NRG1: variants seen among roughly 807,000 people sequenced by gnomAD.
NRG1 encodes neuregulin 1.
Under a neutral mutation model 63.8 loss-of-function variants are expected in NRG1, and 18 were observed. The ratio of observed to expected loss-of-function variants is 0.28; its 90% confidence interval spans 0.19 to 0.42. The LOEUF is 0.42. NRG1 is among the 10% of genes least tolerant of loss of function. The probability of loss-of-function intolerance (pLI) is 1.00; values close to 1 mark genes in which losing one functional copy is unlikely to be tolerated. For missense variants in NRG1, 762 were observed against 814.7 expected, an observed-to-expected ratio of 0.94 and a Z score of 0.79; for synonymous variants, 302 against 301.3, an observed-to-expected ratio of 1.00 and a Z score of -0.02.
At chr8:32,330,596 A>G (rs1289613295) in intron 1 of NRG1, among the ~76,000 whole-genome samples, 1 of 152,218 alleles carries the variant, frequency 6.6e-6, no homozygotes, top group East Asian at 1.9e-4. Flanking sequence ...GTCAGCCCCT[A>G]GGCATTCATA....
At chr8:31,734,190 G>A (rs1300427964) in intron 1 of NRG1, among the ~76,000 whole-genome samples, 1 of 152,144 alleles carries the variant, frequency 6.6e-6, no homozygotes, top group Non-Finnish European at 1.5e-5. Flanking sequence ...GCCAGGCATG[G>A]TGGCGCGTAC....
At chr8:32,330,242 G>A (rs1563322317) in intron 1 of NRG1, among the ~76,000 whole-genome samples, 1 of 151,956 alleles carries the variant, frequency 6.6e-6, no homozygotes, top group Non-Finnish European at 1.5e-5. Flanking sequence ...TAGATGGATG[G>A]AGCACTTGAT....
At chr8:32,318,257 G>A (rs955415681) in intron 1 of NRG1, among the ~76,000 whole-genome samples, 2 of 152,140 alleles carry the variant, frequency 1.3e-5, no homozygotes, top group African/African-American at 4.8e-5. Flanking sequence ...GAAGACTTTT[G>A]ACAAGTTATG....
intron 1 of NRG1, among the ~76,000 whole-genome samples, chr8:32,174,992 C>T (rs969044055): frequency 4.6e-5 from 7 of 152,056 alleles, no homozygotes; most frequent in African/African-American, 9.7e-5. Context: ...GAGGCCAGCA[C>T]CATCCTGATA....
At chr8:31,800,563 G>A (rs1821665600) in intron 1 of NRG1, among the ~76,000 whole-genome samples, 1 of 152,266 alleles carries the variant, frequency 6.6e-6, no homozygotes, top group South Asian at 2.1e-4. Context: ...CTCTTGGAAT[G>A]CATATCTCTT....
In NRG1 at chr8:32,130,852, G is replaced by A. The variant is rs150109819; in HGVS notation, c.38-464976G>A. ...TAGCTTTAGGAGTGCAGAAGACTTT[G>A]AGGGAAAGAAGGCAGGGTTGAAAAA... On this transcript the variant is annotated intron_variant, in intron 1 of 10. Coordinates refer to the NRG1 transcript ENST00000519301. 9.2e-5 allele frequency among the ~76,000 whole-genome samples: 14 copies of A among 152,072 alleles called. No individual in the cohort carries two copies. In the East Asian group the frequency reaches 2.7e-3, roughly 29 times the overall value.
intron 1 of NRG1, among the ~76,000 whole-genome samples, chr8:32,518,789 T>C (rs1053013741): frequency 6.6e-6 from 1 of 152,088 alleles, no homozygotes; most frequent in African/African-American, 2.4e-5. Flanking sequence ...AAATGAGAAA[T>C]AACAGTGGGG....
chr8:32,251,893 C>T (rs1404927023), intron 1 of NRG1, among the ~76,000 whole-genome samples: 1 of 76,002 alleles, frequency 1.3e-5, no homozygotes, highest in East Asian at 2.6e-4. Context: ...CTAATGTTAG[C>T]TGCATAATGT....
chr8:32,729,126 C>T (rs1467367567), intron 6 of NRG1, among the ~76,000 whole-genome samples: 2 of 151,918 alleles, frequency 1.3e-5, no homozygotes, highest in African/African-American at 2.4e-5. Context: ...TCTCAACAGG[C>T]AGCGTAAGAT....
At chr8:32,565,161 GCATTCCTTTTTCTTTATCCCA>G (rs1281606255) in intron 1 of NRG1, among the ~76,000 whole-genome samples, 1 of 152,116 alleles carries the variant, frequency 6.6e-6, no homozygotes, top group Admixed American at 6.5e-5. Flanking sequence ...TCACTATCAT[GCATTCCTTTTTCTTTATCCCA>G]CTCAGGACCA....
intron 7 of NRG1, among the ~76,000 whole-genome samples, chr8:32,750,609 A>G (rs1399242674): frequency 6.6e-6 from 1 of 151,790 alleles, no homozygotes; most frequent in African/African-American, 2.4e-5. Context: ...TGATAACATC[A>G]CAGGCTGGAC....
chr8:32,016,631 G>GA (rs967132473), intron 1 of NRG1, among the ~76,000 whole-genome samples: 1 of 151,888 alleles, frequency 6.6e-6, no homozygotes, highest in Admixed American at 6.6e-5. Flanking sequence ...GATGATAATA[G>GA]AAAAAAAATT....
intron 1 of NRG1, among the ~76,000 whole-genome samples, chr8:32,310,254 A>G (rs944831385): frequency 2.6e-5 from 4 of 152,196 alleles, no homozygotes; most frequent in Non-Finnish European, 4.4e-5. Flanking sequence ...GAATGCATAG[A>G]AAAAAGAACT....
chr8:32,772,084 T>C (rs1831863340), downstream of NRG1, among the ~76,000 whole-genome samples: 4 of 132,948 alleles, frequency 3.0e-5, no homozygotes, highest in African/African-American at 8.3e-5. Flanking sequence ...TATATATATA[T>C]ATATAAAATC....
intron 1 of NRG1, among the ~76,000 whole-genome samples, chr8:32,114,010 A>T (rs1832380091): frequency 6.6e-6 from 1 of 152,224 alleles, no homozygotes; most frequent in Non-Finnish European, 1.5e-5. Context: ...TTTAAACAAA[A>T]GGCAGTCAGA....
intron 1 of NRG1, among the ~76,000 whole-genome samples, chr8:31,674,104 G>A (rs537621329): frequency 6.6e-6 from 1 of 152,254 alleles, no homozygotes; most frequent in South Asian, 2.1e-4. Context: ...GTTCATTCAT[G>A]TTTTAGCATG....
At chr8:31,794,851 GGA>G (rs1821049823) in intron 1 of NRG1, among the ~76,000 whole-genome samples, 1 of 151,996 alleles carries the variant, frequency 6.6e-6, no homozygotes, top group Non-Finnish European at 1.5e-5. Context: ...CACCCAGGCT[GGA>G]GTGCAGCAGC....
At chr8:32,316,798 CAAAAA>C (rs71208173) in intron 1 of NRG1, among the ~76,000 whole-genome samples, 20,221 of 122,904 alleles carry the variant, frequency 0.16, 1,430 homozygotes, top group South Asian at 0.22. Flanking sequence ...CTATCAGCTC[CAAAAA>C]AATAAAATAA....
At chr8:32,334,443 A>T (rs1181783530) in intron 1 of NRG1, among the ~76,000 whole-genome samples, 1 of 152,198 alleles carries the variant, frequency 6.6e-6, no homozygotes, top group East Asian at 1.9e-4. Flanking sequence ...GTCCCTGATT[A>T]TCCAGACATT....
Sources: allele counts gnomAD v4.1 joint callset (sites outside exome capture counted in the v4.1 genomes callset), GRCh38; gene constraint gnomAD v4.1.1; transcripts MANE v1.5; gene names NCBI Gene and HGNC (gene_info 2026-07-23, HGNC 2026-07-21).